The following FGFR4 variants were observed in gnomAD, a reference collection of about 807,000 sequenced individuals.
FGFR4 encodes hydroxyaryl-protein kinase.
FGFR4 carries 63 observed loss-of-function variants against 89.9 expected under a neutral mutation model. The ratio of observed to expected loss-of-function variants is 0.70; its 90% CI spans 0.57 to 0.86. The LOEUF (loss-of-function observed/expected upper bound fraction) is 0.86. Among genes scored for constraint, FGFR4 ranks in the 40% least tolerant of loss-of-function variants. The pLI is 0.00. For synonymous variants in FGFR4, 486 were observed against 479.4 expected (o/e 1.01, Z -0.18); for missense variants, 928 against 1,106.7 (o/e 0.84, Z 2.29).
rs746179714 is a variant in FGFR4, at chr5:177,097,561, C to T, written c.2294C>T (p.Ser765Phe). 26 of 1,614,054 alleles carry T rather than the reference C, an allele frequency of 1.6e-5. No homozygotes were observed. In the South Asian group the frequency reaches 2.5e-4, roughly 16 times the overall value. Residue 765 changes from serine to phenylalanine, a missense_variant, in exon 18 of 18, where the codon TCC becomes TTC. Transcript: ENST00000292408. Reference protein sequence around the residue: ...LDLRLTFGPYSPSGGDASSTC... With the variant: ...LDLRLTFGPYFPSGGDASSTC... Reference sequence around the variant, plus strand: ...CTCCGCCTGACCTTCGGACCCTATTCCCCCTCTGGTGGGGACGCCAGCAGC... The same window carrying T: ...CTCCGCCTGACCTTCGGACCCTATTTCCCCTCTGGTGGGGACGCCAGCAGC...
chr5:177,096,272 C>G lies in FGFR4; in HGVS notation c.1945-15C>G. ...ACCTGTGGGACTCTGCACTGAGGCC[C>G]TCTCTCCCCTCCAGGGCCGCCTGCC... On this transcript the variant is annotated splice_polypyrimidine_tract_variant and intron_variant, in intron 14 of 17. Coordinates refer to ENST00000292408, the MANE Select transcript of FGFR4 (RefSeq NM_213647.3). 1 of 1,613,982 alleles carries G rather than the reference C, an allele frequency of 6.2e-7. No homozygotes were observed. Among genetic ancestry groups the G allele is most frequent in the South Asian group, 1.1e-5 (1 of 91,080 alleles).
intron 1 of FGFR4, 140 bp from the exon 2 acceptor site, chr5:177,089,410 T>A: frequency 1.1e-6 from 1 of 946,476 alleles, no homozygotes; most frequent in Non-Finnish European, 1.5e-6. Flanking sequence ...CTGGTTCCAG[T>A]CTGCACTGCC....
intron 11 of FGFR4, among the ~76,000 whole-genome samples, chr5:177,094,062 C>A (rs975148190): frequency 2.0e-5 from 3 of 151,900 alleles, no homozygotes; most frequent in Non-Finnish European, 4.4e-5. Flanking sequence ...CACAGTGAGA[C>A]CCTATCTGAA....
rs573539306 is a variant in FGFR4 at position 177,090,176 on chromosome 5, C to G, written c.92-214C>G. 4.2e-6 allele frequency: 3 copies of G among 712,410 alleles called. No individual in the cohort carries two copies. In the East Asian group the frequency reaches 8.1e-5, roughly 19 times the overall value. 44.1% of individuals were successfully genotyped at this position (712,410 alleles called of 1,614,324 possible). On this transcript the variant is annotated intron_variant, in intron 2 of 17. Transcript: ENST00000292408. Reference sequence around the variant, plus strand: ...TGTGTCTTGGCCACTGTCGTGTGCACTAAATGCTGTGTGTGTGACATGCCC... The same window carrying G: ...TGTGTCTTGGCCACTGTCGTGTGCAGTAAATGCTGTGTGTGTGACATGCCC...
Position 177,093,167 on chromosome 5 carries a change from C to A in FGFR4, c.1087C>A (p.Pro363Thr), listed in dbSNP as rs1784427337. ...EEDPTWTAAA[P>T]EARYTDIILY... is the part of the protein sequence containing the mutation. ...GGACCCCACATGGACCGCAGCAGCG[C>A]CCGAGGCCAGGTATACGGACATCAT... is the stretch of plus-strand genomic sequence containing the variant. Residue 363 changes from proline (P) to threonine (T), a missense_variant, in exon 9 of 18, where the codon CCC becomes ACC. Coordinates refer to ENST00000292408, the MANE Select transcript of FGFR4 (RefSeq NM_213647.3). The surrounding 1 kb of genome is among the most constrained non-coding windows in gnomAD (Gnocchi z 5.8). 1.9e-6 allele frequency: 3 copies of A among 1,614,072 alleles called. No individual in the cohort carries two copies. The highest frequency in any genetic ancestry group is 1.6e-4 in the Middle Eastern group (1 of 6,062).
chr5:177,096,316 C>T lies in FGFR4; in HGVS notation c.1974C>T (p.Pro658=), dbSNP rs142153253. 2.8e-5 allele frequency: 45 copies of T among 1,613,932 alleles called. No individual in the cohort carries two copies. Among genetic ancestry groups the T allele is most frequent in the Admixed American group, 8.3e-5 (5 of 59,994 alleles). Residue 658 remains proline, a synonymous_variant, in exon 15 of 18, where the codon CCC becomes CCT. Transcript: ENST00000292408. The stretch of plus-strand genomic sequence containing the variant: ...GCCTGCCTGTGAAGTGGATGGCGCC[C>T]GAGGCCTTGTTTGACCGGGTGTACA... ...NGRLPVKWMA[P]EALFDRVYTH...
intron 11 of FGFR4, chr5:177,094,862 G>T (rs1784493589): frequency 1.1e-5 from 2 of 174,274 alleles, no homozygotes; most frequent in South Asian, 1.3e-4. Flanking sequence ...GCTGCACCCG[G>T]CCTGCCGCCA....
chr5:177,096,054 C>A lies in FGFR4; in HGVS notation c.1822-3C>A. On this transcript the variant is annotated splice_polypyrimidine_tract_variant and splice_region_variant and intron_variant, in intron 13 of 17. Coordinates refer to ENST00000292408, the MANE Select transcript of FGFR4 (RefSeq NM_213647.3). ...GAGGCACCCAAGCCCCCGCTCCCTG[C>A]AGTGTATCCACCGGGACCTGGCTGC... 1 of 1,613,142 alleles carries A rather than the reference C, an allele frequency of 6.2e-7. No homozygotes were observed. Among genetic ancestry groups the A allele is most frequent in the Non-Finnish European group, 8.5e-7 (1 of 1,179,600 alleles).
Position 177,092,703 on chromosome 5 carries a change from GAGGACGC to G in FGFR4, c.980_986del (p.Asp327AlafsTer122). ...CCTGTACCTGCGGAACGTGTCAGCC[GAGGACGC>G]AGGCGAGTACACCTGCCTCGCAGGC... On this transcript the variant is annotated frameshift_variant, in exon 8 of 18. Coordinates refer to ENST00000292408, the MANE Select transcript of FGFR4 (RefSeq NM_213647.3). LOFTEE classifies it high-confidence loss of function. 1 of 1,614,138 alleles carries G rather than the reference GAGGACGC, an allele frequency of 6.2e-7. No homozygotes were observed. The highest frequency in any genetic ancestry group is 8.5e-7 in the Non-Finnish European group (1 of 1,179,940).
Position 177,096,184 on chromosome 5 carries a change from G to C in FGFR4, c.1944+5G>C. 1 of 1,613,970 alleles carries C rather than the reference G, an allele frequency of 6.2e-7. No homozygotes were observed. Among genetic ancestry groups the C allele is most frequent in the Admixed American group, 1.7e-5 (1 of 60,010 alleles). ...TACTATAAGAAAACCAGCAACGTGA[G>C]GGAGATGGGGCAGAACTGGATGGGG... On this transcript the variant is annotated splice_donor_5th_base_variant and intron_variant, in intron 14 of 17. Transcript: ENST00000292408.
In FGFR4 at chr5:177,097,688, G is replaced by GA; in HGVS notation, c.*12_*13insA. 6.2e-7 allele frequency: 1 copy of GA among 1,612,914 alleles called. No individual in the cohort carries two copies. Among genetic ancestry groups the GA allele is most frequent in the Non-Finnish European group, 8.5e-7 (1 of 1,179,396 alleles). On this transcript the variant is annotated 3_prime_UTR_variant, in exon 18 of 18. Transcript: ENST00000292408. ...GGGTGCAGACATGAGCAAGGCTCAAGGCTGTGCAGGCACATAGGCTGGTGG... is the reference window on the plus strand; with the variant it reads ...GGGTGCAGACATGAGCAAGGCTCAAGAGCTGTGCAGGCACATAGGCTGGTGG...
intron 6 of FGFR4, 29 bp downstream of exon 6, chr5:177,091,837 C>T (rs373098233): frequency 1.8e-5 from 29 of 1,612,074 alleles, no homozygotes; most frequent in Non-Finnish European, 2.3e-5. Flanking sequence ...ACAGGGGAGG[C>T]CTGACCCATT....
rs377290496 is a variant in FGFR4, at chr5:177,093,681, G to A, written c.1425G>A (p.Glu475=). Residue 475 remains glutamate, a synonymous_variant, in exon 11 of 18, where the codon GAG becomes GAA. Coordinates refer to ENST00000292408, the MANE Select transcript of FGFR4 (RefSeq NM_213647.3). The surrounding 1 kb of genome is among the most constrained non-coding windows in gnomAD (Gnocchi z 5.8). Reference sequence around the variant, plus strand: ...TGGTGCTTGGGAAGCCCCTAGGCGAGGGCTGCTTTGGCCAGGTAGTACGTG... The same window carrying A: ...TGGTGCTTGGGAAGCCCCTAGGCGAAGGCTGCTTTGGCCAGGTAGTACGTG... ...DRLVLGKPLG[E]GCFGQVVRAE... 109 of 1,614,108 alleles carry A rather than the reference G, an allele frequency of 6.8e-5. No individual in the cohort carries two copies. The highest frequency in any genetic ancestry group is 8.8e-5 in the Non-Finnish European group (104 of 1,180,048).
chr5:177,095,800 C>T lies in FGFR4; in HGVS notation c.1821+77C>T. The T allele has an allele frequency of 1.4e-6, 2 of 1,403,398 alleles. No homozygotes were observed. The highest frequency in any genetic ancestry group is 1.9e-6 in the Non-Finnish European group (2 of 1,051,374). The allele number at this position is 1,403,398 out of a possible 1,614,324, so 86.9% of individuals were successfully genotyped here. ...AGGCCTGTGGCATTCAATGTCCCGA[C>T]TTCTCCCTCTCTGCTCTTTTTCATG... is the stretch of plus-strand genomic sequence containing the variant. On this transcript the variant is annotated intron_variant, in intron 13 of 17. Transcript: ENST00000292408. This position sits in a 1 kb window ranked among gnomAD's most constrained non-coding sequence, Gnocchi z 5.7.
intron 8 of FGFR4, 100 bp downstream of exon 8, chr5:177,092,884 G>T (rs1388836652): frequency 6.4e-7 from 1 of 1,570,076 alleles, no homozygotes; most frequent in East Asian, 2.3e-5. Context: ...GGCCTGTGGG[G>T]TCTGGCCTGG....
chr5:177,096,281 C>T lies in FGFR4; in HGVS notation c.1945-6C>T, dbSNP rs1413202872. On this transcript the variant is annotated splice_polypyrimidine_tract_variant and splice_region_variant and intron_variant, in intron 14 of 17. Transcript: ENST00000292408. Reference sequence around the variant, plus strand: ...ACTCTGCACTGAGGCCCTCTCTCCCCTCCAGGGCCGCCTGCCTGTGAAGTG... The same window carrying T: ...ACTCTGCACTGAGGCCCTCTCTCCCTTCCAGGGCCGCCTGCCTGTGAAGTG... 9.9e-6 allele frequency: 16 copies of T among 1,614,122 alleles called. No homozygotes were observed. The South Asian group carries it at 1.6e-4, about 17-fold the overall frequency.
Position 177,098,051 on chromosome 5 carries a change from C to T in FGFR4, c.*375C>T. On this transcript the variant is annotated 3_prime_UTR_variant, in exon 18 of 18. Transcript: ENST00000292408. This position sits in a 1 kb window ranked among gnomAD's most constrained non-coding sequence, Gnocchi z 4.5. Reference sequence around the variant, plus strand: ...CAGCGTCTTGACGGGAGCATTGGCCCCTGAGCCCAGAGAAGCTGGAAGCCT... The same window carrying T: ...CAGCGTCTTGACGGGAGCATTGGCCTCTGAGCCCAGAGAAGCTGGAAGCCT... 2 of 264,544 alleles carry T rather than the reference C, an allele frequency of 7.6e-6. No homozygotes were observed. The highest frequency in any genetic ancestry group is 7.1e-6 in the Non-Finnish European group (1 of 140,022). The allele number at this position is 264,544 out of a possible 1,614,324, so 16.4% of individuals were successfully genotyped here. A position where few individuals can be genotyped will look rare whatever the true frequency, so the allele number is the denominator to read the frequency against.
In FGFR4 at chr5:177,093,544, C is replaced by T. The variant is rs770012793; in HGVS notation, c.1390C>T (p.Arg464Trp). 5.0e-6 allele frequency: 8 copies of T among 1,613,458 alleles called. No individual in the cohort carries two copies. The highest frequency in any genetic ancestry group is 1.7e-5 in the Admixed American group (1 of 60,010). The change falls in exon 10 of 18, where the codon CGG becomes TGG. Residue 464 changes from arginine (R) to tryptophan (W), a missense_variant. Physicochemically the swap from Arg to Trp is moderately radical, Grantham distance 101. Coordinates refer to ENST00000292408, the MANE Select transcript of FGFR4 (RefSeq NM_213647.3). The surrounding 1 kb of genome is among the most constrained non-coding windows in gnomAD (Gnocchi z 5.8). ...TCTCGACCCACTATGGGAGTTCCCC[C>T]GGGACAGGTGCGCTGAGCTGTGTGG... The part of the protein sequence containing the change: ...LPLDPLWEFP[R>W]DRLVLGKPLG...
Position 177,096,658 on chromosome 5 carries a change from T to C in FGFR4, c.2070T>C (p.Tyr690=). 1.2e-6 allele frequency: 2 copies of C among 1,612,652 alleles called. No individual in the cohort carries two copies. The highest frequency in any genetic ancestry group is 1.7e-6 in the Non-Finnish European group (2 of 1,179,352). Residue 690 remains tyrosine, a synonymous_variant, in exon 16 of 18, where the codon TAT becomes TAC. Coordinates refer to ENST00000292408, the MANE Select transcript of FGFR4 (RefSeq NM_213647.3). ...WEIFTLGGSP[Y]PGIPVEELFS... is the part of the protein sequence containing the mutation. ...TCTTCACCCTCGGGGGCTCCCCGTA[T>C]CCTGGCATCCCGGTGGAGGAGCTGT...
Sources: gnomAD v4.1 joint callset for allele counts (sites outside exome capture counted in the v4.1 genomes callset) on GRCh38, gnomAD v4.1.1 for gene constraint, Gnocchi (gnomAD v3.1) non-coding constraint, MANE v1.5 for transcripts, NCBI Gene and HGNC (gene_info 2026-07-23, HGNC 2026-07-21) for gene names.